Variants in REXO4 observed in about 807,000 individuals in gnomAD.
The protein encoded by REXO4 is REX4 homolog, 3'-5' exonuclease.
In REXO4, 29 loss-of-function variants were observed where a neutral mutation model predicts 39.9. The ratio of observed to expected loss-of-function variants is 0.73; its 90% CI spans 0.54 to 0.99. The LOEUF is 0.99. Among genes scored for constraint, REXO4 ranks in the 50% least tolerant of loss-of-function variants. The probability of loss-of-function intolerance (pLI) is 0.00; values close to 1 mark genes in which losing one functional copy is unlikely to be tolerated. For synonymous variants in REXO4, 184 were observed against 206.2 expected (o/e 0.89, Z 0.92); for missense variants, 524 against 546.5 (o/e 0.96, Z 0.41).
At position 133,406,717 on chromosome 9, in the gene REXO4, C is replaced by A. The variant is rs2285484; in HGVS notation, c.*236G>T. The A allele has an allele frequency of 0.084, 49,550 of 590,266 alleles. 2,594 individuals carry two copies. The highest frequency in any genetic ancestry group is 0.19 in the African/African-American group (9,900 of 53,384). The allele number at this position is 590,266 out of a possible 1,614,324, so 36.6% of individuals were successfully genotyped here. ...AAGCGTGGCCAGGCGTGCCCATGGC[C>A]GTCCCTGCTCCCCACCCTGACCATC... is the stretch of plus-strand genomic sequence containing the variant. On this transcript the variant is annotated 3_prime_UTR_variant, in exon 8 of 8. Transcript: ENST00000371942.
At chr9:133,417,560 C>T (rs1839731079) in intron 1 of REXO4, 60 bp downstream of exon 1, 1 of 1,559,876 alleles carries the variant, frequency 6.4e-7, no homozygotes, top group South Asian at 1.1e-5. Flanking sequence ...GTCTTTCCCT[C>T]CGTCGCGTTC....
chr9:133,415,005 G>A lies in REXO4; in HGVS notation c.232C>T (p.Leu78=), dbSNP rs781822155. 2.5e-6 allele frequency: 4 copies of A among 1,579,622 alleles called. No homozygotes were observed. In the South Asian group the frequency reaches 4.7e-5, roughly 19 times the overall value. Residue 78 remains leucine (L), a synonymous_variant, in exon 2 of 8, where the codon CTG becomes TTG. Transcript: ENST00000371942. ...TCTGGGGCCTGAGATTTTTGTTTCA[G>A]CAGCCACTGGGACCCAAAATAAAAT... ...QNWKALQEWL[L]KQKSQAPEKP... is the part of the protein sequence containing the mutation.
At position 133,412,827 on chromosome 9, in the gene REXO4, T is replaced by C. The variant is rs782791524; in HGVS notation, c.667A>G (p.Ser223Gly). 1.7e-5 allele frequency: 27 copies of C among 1,613,912 alleles called. No homozygotes were observed. In the Admixed American group the frequency reaches 4.2e-4, roughly 25 times the overall value. The change falls in exon 3 of 8, where the codon AGC (serine) becomes GGC (glycine). Residue 223 changes from serine (S) to glycine (G), a missense_variant. By Grantham distance (56) the Ser-to-Gly change is moderately conservative (BLOSUM62 0). Coordinates refer to ENST00000371942, the MANE Select transcript of REXO4 (RefSeq NM_020385.4). ...AKIARKQLGQSEGSVSLSLVK... is the reference protein window; with the variant it reads ...AKIARKQLGQGEGSVSLSLVK... ...AGGCTGAGGCTGACGCTGCCCTCGC[T>C]CTGACCCAACTGTTTCCTCGCTATC...
Position 133,417,883 on chromosome 9 carries a change from G to C in REXO4, c.-39C>G, listed in dbSNP as rs1165206845. On this transcript the variant is annotated 5_prime_UTR_variant, in exon 1 of 8. Coordinates refer to ENST00000371942, the MANE Select transcript of REXO4 (RefSeq NM_020385.4). ...AGCGCCTGGGCCGGCGGCCACCCGA[G>C]ACCCCGGCCTCCCCGGGCCCGGCGC... The C allele has an allele frequency of 6.3e-7, 1 of 1,581,910 alleles. No homozygotes were observed. Among genetic ancestry groups the C allele is most frequent in the Admixed American group, 1.7e-5 (1 of 58,148 alleles).
At chr9:133,412,267 C>T (rs190265706) in intron 4 of REXO4, 32 bp downstream of exon 4, 113 of 1,603,632 alleles carry the variant, frequency 7.0e-5, no homozygotes, top group Non-Finnish European at 9.0e-5. Context: ...TACTACTTTC[C>T]CTTCTAAGTT....
At chr9:133,412,633 C>A in intron 3 of REXO4, 141 bp from the exon 4 acceptor site, 1 of 1,396,194 alleles carries the variant, frequency 7.2e-7, no homozygotes, top group Non-Finnish European at 9.8e-7. Context: ...GTGACAAGCT[C>A]TGTGTGGTCC....
chr9:133,409,450 C>T (rs1045363979), intron 5 of REXO4, among the ~76,000 whole-genome samples: 2 of 152,186 alleles, frequency 1.3e-5, no homozygotes, highest in Admixed American at 6.5e-5. Context: ...AACAGTTAAC[C>T]AGCAACCAAC....
intron 1 of REXO4, chr9:133,415,584 C>A (rs1225144573): frequency 6.5e-6 from 1 of 152,820 alleles, no homozygotes; most frequent in Non-Finnish European, 1.5e-5. Context: ...GTCTTAGAGC[C>A]CAGCTTCCTC....
At position 133,417,911 on chromosome 9, in the gene REXO4, T is replaced by G; in HGVS notation, c.-67A>C. The G allele has an allele frequency of 6.8e-7, 1 of 1,478,820 alleles. No individual in the cohort carries two copies. Among genetic ancestry groups the G allele is most frequent in the South Asian group, 1.2e-5 (1 of 81,094 alleles). 91.6% of individuals were successfully genotyped at this position (1,478,820 alleles called of 1,614,324 possible). On this transcript the variant is annotated 5_prime_UTR_variant, in exon 1 of 8. Transcript: ENST00000371942. ...CCCGGCCTCCCCGGGCCCGGCGCCCTGGCAGCACAAGCGCCTGCCCAGGCC... is the reference window on the plus strand; with the variant it reads ...CCCGGCCTCCCCGGGCCCGGCGCCCGGGCAGCACAAGCGCCTGCCCAGGCC...
intron 2 of REXO4, among the ~76,000 whole-genome samples, chr9:133,413,793 AT>A (rs2130728934): frequency 6.6e-6 from 1 of 152,294 alleles, no homozygotes; most frequent in East Asian, 1.9e-4. Context: ...ACCACACTTA[AT>A]CAACAGCTGC....
At position 133,417,704 on chromosome 9, in the gene REXO4, C is replaced by T. The variant is rs1554781971; in HGVS notation, c.141G>A (p.Lys47=). The T allele has an allele frequency of 1.2e-6, 2 of 1,614,160 alleles. No homozygotes were observed. Among genetic ancestry groups the T allele is most frequent in the East Asian group, 2.2e-5 (1 of 44,886 alleles). The change falls in exon 1 of 8, where the codon AAG becomes AAA. Residue 47 remains lysine (K), a synonymous_variant. Transcript: ENST00000371942. ...CAGCACCGGGGCCGCTTGCTGGCTT[C>T]TTGCTTACTTCCCGCGCCTTGCTTT... The part of the protein sequence containing the change: ...FWKSKAREVS[K]KPASGPGAVV...
intron 4 of REXO4, 94 bp downstream of exon 4, chr9:133,412,205 A>C: frequency 1.6e-6 from 2 of 1,283,348 alleles, no homozygotes; most frequent in South Asian, 2.6e-5. Flanking sequence ...AACCAGCTGC[A>C]GTGAGTGGTC....
In REXO4 at chr9:133,412,769, C is replaced by G; in HGVS notation, c.716+9G>C. Reference sequence around the variant, plus strand: ...CCCCAGCAGACCCCACTCCCTGAGACCAGCGTACCCGCCGAAGGCCTGCTC... The same window carrying G: ...CCCCAGCAGACCCCACTCCCTGAGAGCAGCGTACCCGCCGAAGGCCTGCTC... On this transcript the variant is annotated intron_variant, in intron 3 of 7. Coordinates refer to ENST00000371942, the MANE Select transcript of REXO4 (RefSeq NM_020385.4). 6.2e-7 allele frequency: 1 copy of G among 1,609,624 alleles called. No homozygotes were observed. The highest frequency in any genetic ancestry group is 8.5e-7 in the Non-Finnish European group (1 of 1,179,946).
rs147025792 is a variant in REXO4, at chr9:133,417,692, G to A, written c.153C>T (p.Ser51=). ...KAREVSKKPA[S]GPGAVVRPPK... ...GAGGTCGCACCACAGCACCGGGGCCGCTTGCTGGCTTCTTGCTTACTTCCC... is the reference window on the plus strand; with the variant it reads ...GAGGTCGCACCACAGCACCGGGGCCACTTGCTGGCTTCTTGCTTACTTCCC... The change falls in exon 1 of 8, where the codon AGC becomes AGT. Residue 51 remains serine, a synonymous_variant. Transcript: ENST00000371942. 4.3e-5 allele frequency: 69 copies of A among 1,614,000 alleles called. No homozygotes were observed. Among genetic ancestry groups the A allele is most frequent in the African/African-American group, 2.7e-5 (2 of 74,948 alleles).
rs782482012 is a variant in REXO4 at position 133,407,078 on chromosome 9, C to T, written c.1150-6G>A. The T allele has an allele frequency of 1.1e-5, 17 of 1,612,494 alleles. No individual in the cohort carries two copies. The highest frequency in any genetic ancestry group is 1.7e-5 in the Admixed American group (1 of 60,016). On this transcript the variant is annotated splice_region_variant and splice_polypyrimidine_tract_variant and intron_variant, in intron 7 of 7. Transcript: ENST00000371942. The stretch of plus-strand genomic sequence containing the variant: ...GCTGCCTGGGCATCCTGAATCTAGA[C>T]GACATGAAACATCCCAGCAGGTGAC...
Position 133,417,991 on chromosome 9 carries a change from A to G in REXO4, c.-147T>C. 1.4e-6 allele frequency: 1 copy of G among 707,182 alleles called. No individual in the cohort carries two copies. The highest frequency in any genetic ancestry group is 2.3e-6 in the Non-Finnish European group (1 of 435,378). 43.8% of individuals were successfully genotyped at this position (707,182 alleles called of 1,614,324 possible). Reference sequence around the variant, plus strand: ...CGTCCAGGAAAAGACTCCGGAAGAGACCCCGCACGCGTTGCGCATACCTCA... The same window carrying G: ...CGTCCAGGAAAAGACTCCGGAAGAGGCCCCGCACGCGTTGCGCATACCTCA... On this transcript the variant is annotated 5_prime_UTR_variant, in exon 1 of 8. Transcript: ENST00000371942.
chr9:133,407,509 A>T (rs1838956425), intron 7 of REXO4, among the ~76,000 whole-genome samples: 1 of 152,012 alleles, frequency 6.6e-6, no homozygotes, highest in Admixed American at 6.6e-5. Flanking sequence ...CGGGCAGGGC[A>T]GGGCTGGAGG....
chr9:133,415,238 T>A (rs958906421), intron 1 of REXO4, among the ~76,000 whole-genome samples: 1 of 152,150 alleles, frequency 6.6e-6, no homozygotes, highest in African/African-American at 2.4e-5. Context: ...CTTATTATAA[T>A]GCATTTTGCA....
In REXO4 at chr9:133,411,060, T is replaced by G; in HGVS notation, c.924A>C (p.Glu308Asp). The G allele has an allele frequency of 1.9e-6, 3 of 1,614,126 alleles. No individual in the cohort carries two copies. Among genetic ancestry groups the G allele is most frequent in the Admixed American group, 3.3e-5 (2 of 60,022 alleles). ...TCTCTGCCACTTCCTTCTGAACAAC[T>G]TCAAGCTCTTCTCCTGGAAAATCAA... is the stretch of plus-strand genomic sequence containing the variant. ...PENLKQGEEL[E>D]VVQKEVAEML... The change falls in exon 5 of 8, where the codon GAA (glutamate) becomes GAC (aspartate). Residue 308 changes from glutamate to aspartate, a missense_variant. Transcript: ENST00000371942.
Sources: gnomAD v4.1 joint callset for allele counts (sites outside exome capture counted in the v4.1 genomes callset) on GRCh38, gnomAD v4.1.1 for gene constraint, MANE v1.5 for transcripts, NCBI Gene and HGNC (gene_info 2026-07-23, HGNC 2026-07-21) for gene names.